The following CDH4 variants were observed in gnomAD, a reference collection of about 807,000 sequenced individuals.
CDH4 encodes cadherin-4.
In CDH4, 33 loss-of-function variants were observed where a neutral mutation model predicts 86.0. That is an observed-to-expected ratio of 0.38 (90% CI 0.29 to 0.51). The LOEUF (loss-of-function observed/expected upper bound fraction) is 0.51. CDH4 is among the 20% of genes least tolerant of loss of function. CDH4 has a pLI of 0.86. For missense variants in CDH4, 1,114 were observed against 1,307.4 expected, an observed-to-expected ratio of 0.85 and a Z score of 2.28; for synonymous variants, 555 against 549.4, an observed-to-expected ratio of 1.01 and a Z score of -0.14.
At chr20:61,324,297 A>G (rs747735538) in intron 2 of CDH4, among the ~76,000 whole-genome samples, 9 of 152,184 alleles carry the variant, frequency 5.9e-5, no homozygotes, top group African/African-American at 2.2e-4. Context: ...TGATTGCATT[A>G]GTGTCCTGGG....
At chr20:61,784,875 C>T (rs1568814756) in intron 4 of CDH4, among the ~76,000 whole-genome samples, 1 of 152,164 alleles carries the variant, frequency 6.6e-6, no homozygotes, top group Non-Finnish European at 1.5e-5. Context: ...TTTCCCACGT[C>T]CCATCCCCTT....
chr20:61,513,343 C>T (rs1315364511), intron 2 of CDH4, among the ~76,000 whole-genome samples: 1 of 152,234 alleles, frequency 6.6e-6, no homozygotes, highest in Non-Finnish European at 1.5e-5. Flanking sequence ...ACTGCGGGGG[C>T]TAACTTCCTT....
At position 61,810,577 on chromosome 20, in the gene CDH4, C is replaced by T. The variant is rs563523503; in HGVS notation, c.577-34091C>T. ...CCGAGAGAGCCCCAGCCCGTGTGCCCGCCTCACCCTGCCTCCTGCCTCCCG... is the reference window on the plus strand; with the variant it reads ...CCGAGAGAGCCCCAGCCCGTGTGCCTGCCTCACCCTGCCTCCTGCCTCCCG... On this transcript the variant is annotated intron_variant, in intron 4 of 15. Coordinates refer to ENST00000614565, the MANE Select transcript of CDH4 (RefSeq NM_001794.5). The surrounding 1 kb of genome is among the most constrained non-coding windows in gnomAD (Gnocchi z 4.3). 1.4e-3 allele frequency among the ~76,000 whole-genome samples: 213 copies of T among 152,256 alleles called. No homozygotes were observed. The highest frequency in any genetic ancestry group is 4.8e-3 in the African/African-American group (198 of 41,558).
At chr20:61,485,524 C>T (rs2085591365) in intron 2 of CDH4, among the ~76,000 whole-genome samples, 1 of 152,214 alleles carries the variant, frequency 6.6e-6, no homozygotes, top group Non-Finnish European at 1.5e-5. Flanking sequence ...AAGGGCAACC[C>T]CAGCCAAGGA....
chr20:61,697,530 G>A (rs562736047), intron 2 of CDH4, among the ~76,000 whole-genome samples: 93 of 152,180 alleles, frequency 6.1e-4, no homozygotes, highest in Non-Finnish European at 9.7e-4. Flanking sequence ...CCCAGGAGGC[G>A]GAGGTTGCAG....
chr20:61,386,006 A>G (rs2145457149), intron 2 of CDH4, among the ~76,000 whole-genome samples: 1 of 152,224 alleles, frequency 6.6e-6, no homozygotes, highest in Admixed American at 6.5e-5. Context: ...GCGCCTGGGG[A>G]CGCTCATGGA....
chr20:61,760,934 G>C (rs2088625975), intron 3 of CDH4, among the ~76,000 whole-genome samples: 1 of 152,200 alleles, frequency 6.6e-6, no homozygotes, highest in Admixed American at 6.5e-5. Context: ...ATTTGTGAAA[G>C]AATGTAGATA....
intron 2 of CDH4, among the ~76,000 whole-genome samples, chr20:61,631,405 C>T (rs1416522613): frequency 6.6e-6 from 1 of 152,122 alleles, no homozygotes; most frequent in Non-Finnish European, 1.5e-5. Flanking sequence ...TTTGGGAGAC[C>T]GAGGAGGGCA....
intron 2 of CDH4, among the ~76,000 whole-genome samples, chr20:61,444,615 CTGTG>C (rs1174405344): frequency 2.8e-5 from 4 of 142,996 alleles, no homozygotes; most frequent in African/African-American, 7.8e-5. Flanking sequence ...GTGTGTTTCT[CTGTG>C]TGTGTGTATA....
intron 7 of CDH4, among the ~76,000 whole-genome samples, chr20:61,891,438 C>T (rs6061883): frequency 0.15 from 23,121 of 152,252 alleles, 2,567 homozygotes; most frequent in East Asian, 0.5. Context: ...CCACTCTCCC[C>T]GGCCCTGCAG....
intron 5 of CDH4, among the ~76,000 whole-genome samples, chr20:61,847,967 T>G (rs916465266): frequency 2.0e-5 from 3 of 152,112 alleles, no homozygotes; most frequent in African/African-American, 7.2e-5. Flanking sequence ...ACATTTCAAA[T>G]GAGATCTAGA....
At chr20:61,407,996 G>A (rs2085093405) in intron 2 of CDH4, among the ~76,000 whole-genome samples, 1 of 152,154 alleles carries the variant, frequency 6.6e-6, no homozygotes. Context: ...CTTACTGAAA[G>A]CCACCTGTCT....
intron 2 of CDH4, among the ~76,000 whole-genome samples, chr20:61,358,836 G>A (rs925106437): frequency 4.6e-5 from 7 of 152,282 alleles, no homozygotes; most frequent in Admixed American, 2.6e-4. Flanking sequence ...CATGAGCCAC[G>A]GAAACCGTTC....
At position 61,743,849 on chromosome 20, in the gene CDH4, C is replaced by T. The variant is rs6061790; in HGVS notation, c.396+60C>T. On this transcript the variant is annotated intron_variant, in intron 3 of 15. Coordinates refer to ENST00000614565, the MANE Select transcript of CDH4 (RefSeq NM_001794.5). ...TAGATGACCTAGTTCCTCCTGCAGG[C>T]CCTGGGCAGAGCCTCTGCCAGGGCT... is the stretch of plus-strand genomic sequence containing the variant. The T allele has an allele frequency of 4.4e-4, 571 of 1,300,246 alleles. 2 individuals carry two copies. The African/African-American group carries it at 7.3e-3, about 17-fold the overall frequency. 80.5% of individuals were successfully genotyped at this position (1,300,246 alleles called of 1,614,324 possible). A position where few individuals can be genotyped will look rare whatever the true frequency, so the allele number is the denominator to read the frequency against.
At chr20:61,338,357 A>G (rs962039612) in intron 2 of CDH4, among the ~76,000 whole-genome samples, 3 of 152,234 alleles carry the variant, frequency 2.0e-5, no homozygotes, top group African/African-American at 7.2e-5. Flanking sequence ...AAAAATCTCA[A>G]AAGGGAACAT....
chr20:61,932,674 C>T (rs992577224), intron 13 of CDH4, among the ~76,000 whole-genome samples: 28 of 152,284 alleles, frequency 1.8e-4, no homozygotes, highest in African/African-American at 6.7e-4. Context: ...CTTACACAGA[C>T]GCATGAAGCA....
In CDH4 at chr20:61,377,049, C is replaced by T. The variant is rs1473690247; in HGVS notation, c.169+122112C>T. On this transcript the variant is annotated intron_variant, in intron 2 of 15. Coordinates refer to ENST00000614565, the MANE Select transcript of CDH4 (RefSeq NM_001794.5). The surrounding 1 kb of genome is among the most constrained non-coding windows in gnomAD (Gnocchi z 4.0). ...AGCTGTAGGATGATCAAAATATGAA[C>T]GTGCACCCACCACCAACACGTGAGG... is the stretch of plus-strand genomic sequence containing the variant. Among the ~76,000 whole-genome samples, 2 of 152,178 alleles carry T rather than the reference C, an allele frequency of 1.3e-5. No homozygotes were observed. The highest frequency in any genetic ancestry group is 2.4e-5 in the African/African-American group (1 of 41,446).
chr20:61,934,322 C>A, intron 15 of CDH4, 102 bp downstream of exon 15: 1 of 1,315,320 alleles, frequency 7.6e-7, no homozygotes, highest in Non-Finnish European at 1.0e-6. Context: ...CCGGCGGCTG[C>A]CGTGGGTGGG....
intron 2 of CDH4, among the ~76,000 whole-genome samples, chr20:61,498,165 C>G (rs967239792): frequency 2.6e-5 from 4 of 151,824 alleles, no homozygotes; most frequent in African/African-American, 9.7e-5. Flanking sequence ...ATGTAACTAA[C>G]CTGCACGTTG....
Sources: gnomAD v4.1 joint callset for allele counts (sites outside exome capture counted in the v4.1 genomes callset) on GRCh38, gnomAD v4.1.1 for gene constraint, Gnocchi (gnomAD v3.1) non-coding constraint, MANE v1.5 for transcripts, NCBI Gene and HGNC (gene_info 2026-07-23, HGNC 2026-07-21) for gene names.